TRAPPC11: variants seen among roughly 807,000 people sequenced by gnomAD.
The protein encoded by TRAPPC11 is trafficking protein particle complex subunit 11.
In TRAPPC11, 104 loss-of-function variants were observed where a neutral mutation model predicts 151.2. The ratio of observed to expected loss-of-function variants is 0.69; its 90% confidence interval spans 0.59 to 0.81. TRAPPC11 has a LOEUF of 0.81. TRAPPC11 is among the 30% of genes least tolerant of loss of function. The pLI is 0.00. For synonymous variants in TRAPPC11, 456 were observed against 472.3 expected (o/e 0.97, Z 0.45); for missense variants, 1,230 against 1,349.6 (o/e 0.91, Z 1.39).
intron 18 of TRAPPC11, among the ~76,000 whole-genome samples, chr4:183,689,787 TTTCC>T (rs1200974239): frequency 8.7e-5 from 4 of 46,094 alleles, no homozygotes; most frequent in Admixed American, 1.9e-4. Context: ...ATTTCTTTTC[TTTCC>T]TTTTTTTTTT....
At chr4:183,694,581 T>G (rs775307517) in intron 22 of TRAPPC11, 23 bp from the exon 23 acceptor site, 1 of 1,601,630 alleles carries the variant, frequency 6.2e-7, no homozygotes, top group Admixed American at 1.7e-5. Flanking sequence ...ACTAATTAAA[T>G]TACAACATTT....
chr4:183,709,516 C>T (rs1190932913), intron 29 of TRAPPC11, among the ~76,000 whole-genome samples: 1 of 152,182 alleles, frequency 6.6e-6, no homozygotes, highest in African/African-American at 2.4e-5. Context: ...TGGCTCACAC[C>T]TGTAATCCCA....
At chr4:183,706,758 T>C (rs374256070) in intron 27 of TRAPPC11, 49 bp from the exon 28 acceptor site, 5 of 1,580,700 alleles carry the variant, frequency 3.2e-6, no homozygotes, top group South Asian at 1.2e-5. Flanking sequence ...AAGCCATAAG[T>C]GGGGAGCTAT....
chr4:183,682,884 A>G, intron 11 of TRAPPC11, 59 bp downstream of exon 11: 1 of 1,155,058 alleles, frequency 8.7e-7, no homozygotes, highest in East Asian at 2.3e-5. Flanking sequence ...AATAGCTATA[A>G]TAGATTTTCC....
chr4:183,710,247 T>C (rs1737274021), intron 29 of TRAPPC11, among the ~76,000 whole-genome samples: 3 of 152,012 alleles, frequency 2.0e-5, no homozygotes, highest in African/African-American at 4.8e-5. Flanking sequence ...AAACCTCTTC[T>C]GGGTAGTGTT....
intron 11 of TRAPPC11, among the ~76,000 whole-genome samples, chr4:183,683,172 T>A (rs1317802554): frequency 7.0e-5 from 10 of 142,226 alleles, no homozygotes; most frequent in South Asian, 6.7e-4. Flanking sequence ...AAAAAAAAAA[T>A]ACAACATTTG....
At chr4:183,680,295 C>T in intron 10 of TRAPPC11, 28 bp downstream of exon 10, 1 of 1,598,344 alleles carries the variant, frequency 6.3e-7, no homozygotes. Flanking sequence ...TATTATCTAG[C>T]ACATAGAAAA....
At chr4:183,701,337 C>G (rs1579219063) in intron 25 of TRAPPC11, 2 of 164,898 alleles carry the variant, frequency 1.2e-5, no homozygotes, top group Non-Finnish European at 2.6e-5. Flanking sequence ...TTTTCTTTTT[C>G]TCTACCCCAA....
intron 1 of TRAPPC11, among the ~76,000 whole-genome samples, chr4:183,660,237 G>C (rs904317454): frequency 6.6e-6 from 1 of 152,142 alleles, no homozygotes; most frequent in African/African-American, 2.4e-5. Flanking sequence ...TACAATTTTC[G>C]TGCAGCAATT....
chr4:183,708,597 T>G, intron 29 of TRAPPC11, 23 bp downstream of exon 29: 2 of 1,605,444 alleles, frequency 1.2e-6, no homozygotes, highest in South Asian at 2.2e-5. Context: ...AATTTTCTGC[T>G]TTTTAAATTC....
At chr4:183,678,001 G>A (rs570286821) in intron 8 of TRAPPC11, among the ~76,000 whole-genome samples, 2 of 150,068 alleles carry the variant, frequency 1.3e-5, no homozygotes, top group Non-Finnish European at 3.0e-5. Flanking sequence ...TGCAGTGGTG[G>A]GATCTCGGCT....
intron 19 of TRAPPC11, among the ~76,000 whole-genome samples, chr4:183,692,519 A>C (rs978635018): frequency 1.3e-5 from 2 of 152,220 alleles, no homozygotes. Flanking sequence ...TGAATAGATC[A>C]TGTATTCAAT....
chr4:183,680,395 C>T, intron 10 of TRAPPC11, 128 bp downstream of exon 10: 9 of 1,028,326 alleles, frequency 8.8e-6, no homozygotes, highest in Non-Finnish European at 1.1e-5. Context: ...TTTTTTATAG[C>T]TTTAGGAATT....
At chr4:183,689,332 C>T (rs1343967964) in intron 18 of TRAPPC11, among the ~76,000 whole-genome samples, 2 of 151,920 alleles carry the variant, frequency 1.3e-5, no homozygotes, top group African/African-American at 4.8e-5. Flanking sequence ...GCCCTTTCCT[C>T]TGCTTGAATT....
intron 5 of TRAPPC11, 37 bp downstream of exon 5, chr4:183,668,154 T>A: frequency 8.0e-7 from 1 of 1,249,002 alleles, no homozygotes; most frequent in Non-Finnish European, 1.1e-6. Flanking sequence ...TTTTTTTAGA[T>A]TATTAAGAAT....
chr4:183,670,222 A>C (rs1735087334), intron 5 of TRAPPC11, among the ~76,000 whole-genome samples: 2 of 152,208 alleles, frequency 1.3e-5, no homozygotes, highest in South Asian at 4.1e-4. Context: ...TGATTTCATT[A>C]GTGTTTTTTT....
chr4:183,690,840 T>C (rs1318882360), intron 18 of TRAPPC11, among the ~76,000 whole-genome samples: 1 of 152,120 alleles, frequency 6.6e-6, no homozygotes, highest in African/African-American at 2.4e-5. Context: ...TGATCGTACA[T>C]GCCTATGGTC....
At chr4:183,702,415 C>T (rs1212397189) in intron 26 of TRAPPC11, among the ~76,000 whole-genome samples, 1 of 151,484 alleles carries the variant, frequency 6.6e-6, no homozygotes, top group Non-Finnish European at 1.5e-5. Context: ...AACGTAAATG[C>T]CCATCAATAG....
In TRAPPC11 at chr4:183,681,143, T is replaced by A. The variant is rs191288765; in HGVS notation, c.1113+876T>A. Reference sequence around the variant, plus strand: ...AAAATAAGAACGTGGTATATATATATAAATATATTTATATTTATATTGTTA... The same window carrying A: ...AAAATAAGAACGTGGTATATATATAAAAATATATTTATATTTATATTGTTA... On this transcript the variant is annotated intron_variant, in intron 10 of 29. Coordinates refer to ENST00000334690, the MANE Select transcript of TRAPPC11 (RefSeq NM_021942.6). Among the ~76,000 whole-genome samples the A allele has an allele frequency of 4.8e-3, 727 of 151,522 alleles. 3 individuals are homozygous for A. Among genetic ancestry groups the A allele is most frequent in the African/African-American group, 0.017 (693 of 41,458 alleles).
Sources: gnomAD v4.1 joint callset for allele counts (sites outside exome capture counted in the v4.1 genomes callset) on GRCh38, gnomAD v4.1.1 for gene constraint, MANE v1.5 for transcripts, NCBI Gene and HGNC (gene_info 2026-07-23, HGNC 2026-07-21) for gene names.